The following SPICE1 variants were observed in gnomAD, a reference collection of about 807,000 sequenced individuals.
SPICE1 encodes spindle and centriole associated protein 1.
In SPICE1, 75 loss-of-function variants were observed where a neutral mutation model predicts 102.7. The observed-to-expected ratio is 0.73, with a 90% CI of 0.61 to 0.88. The LOEUF (loss-of-function observed/expected upper bound fraction) is 0.88. Ranked by LOEUF, SPICE1 falls within the 40% of genes least tolerant of loss-of-function variation. The pLI is 0.00. For missense variants in SPICE1, 979 were observed against 1,020.1 expected, an observed-to-expected ratio of 0.96 and a Z score of 0.55; for synonymous variants, 308 against 350.3, an observed-to-expected ratio of 0.88 and a Z score of 1.35.
intron 12 of SPICE1, 55 bp from the exon 13 acceptor site, chr3:113,457,412 C>T (rs1935803902): frequency 1.9e-6 from 3 of 1,556,980 alleles, no homozygotes; most frequent in East Asian, 4.5e-5. Flanking sequence ...ACTATGAGCA[C>T]ATTTCAGGTA....
intron 6 of SPICE1, 51 bp downstream of exon 6, chr3:113,493,155 C>T (rs753578883): frequency 3.7e-6 from 5 of 1,347,832 alleles, no homozygotes; most frequent in Non-Finnish European, 5.1e-6. Flanking sequence ...CCTATATCAA[C>T]TTAAACTTCC....
chr3:113,453,491 T>C lies in SPICE1; in HGVS notation c.2117A>G (p.Gln706Arg). ...QGDGLRELNKQESASDMTSTF... is the reference protein window; with the variant it reads ...QGDGLRELNKRESASDMTSTF... ...AGAAGTCATGTCACTTGCACTTTCT[T>C]GTTTGTTCAACTCCCGGAGTCCATC... Residue 706 changes from glutamine to arginine, a missense_variant, in exon 14 of 18, where the codon CAA becomes CGA. Coordinates refer to ENST00000295872, the MANE Select transcript of SPICE1 (RefSeq NM_144718.4). 1 of 1,609,988 alleles carries C rather than the reference T, an allele frequency of 6.2e-7. No homozygotes were observed. Among genetic ancestry groups the C allele is most frequent in the Non-Finnish European group, 8.5e-7 (1 of 1,177,068 alleles).
At chr3:113,477,883 A>G (rs1936393893) in intron 7 of SPICE1, among the ~76,000 whole-genome samples, 2 of 151,936 alleles carry the variant, frequency 1.3e-5, no homozygotes, top group Admixed American at 1.3e-4. Flanking sequence ...ACATGTATAC[A>G]TATGTAACTA....
intron 12 of SPICE1, among the ~76,000 whole-genome samples, chr3:113,459,167 C>T (rs1406562807): frequency 1.3e-5 from 2 of 152,138 alleles, no homozygotes; most frequent in African/African-American, 2.4e-5. Context: ...AAGGGTTAAA[C>T]GGATTAAGGG....
intron 1 of SPICE1, among the ~76,000 whole-genome samples, chr3:113,510,993 A>G (rs1460197985): frequency 6.6e-6 from 1 of 152,254 alleles, no homozygotes; most frequent in Non-Finnish European, 1.5e-5. Flanking sequence ...TTATGCAGCC[A>G]ACAAACGTAT....
chr3:113,459,872 A>G (rs1381158665), intron 12 of SPICE1: 1 of 982,560 alleles, frequency 1.0e-6, no homozygotes, highest in Non-Finnish European at 1.2e-6. Flanking sequence ...ACAGAGCGAA[A>G]CTCCATCTCA....
At chr3:113,478,693 T>A (rs1936419675) in intron 7 of SPICE1, among the ~76,000 whole-genome samples, 1 of 151,704 alleles carries the variant, frequency 6.6e-6, no homozygotes, top group Non-Finnish European at 1.5e-5. Context: ...AAGAAAAGAG[T>A]GGCAAAAATA....
intron 7 of SPICE1, among the ~76,000 whole-genome samples, chr3:113,471,878 T>C (rs539369337): frequency 6.6e-6 from 1 of 152,272 alleles, no homozygotes; most frequent in African/African-American, 2.4e-5. Flanking sequence ...AGATGGGTGA[T>C]TTCTGCATTT....
chr3:113,447,532 G>A (rs925900520), intron 16 of SPICE1, among the ~76,000 whole-genome samples: 6 of 152,202 alleles, frequency 3.9e-5, no homozygotes, highest in East Asian at 1.9e-4. Flanking sequence ...GAAAAAGAAC[G>A]TGCAGGGATG....
At chr3:113,484,994 A>G (rs1936610037) in intron 7 of SPICE1, among the ~76,000 whole-genome samples, 1 of 152,068 alleles carries the variant, frequency 6.6e-6, no homozygotes, top group South Asian at 2.1e-4. Context: ...AAGGGAATCC[A>G]GGAGGGACTG....
chr3:113,476,039 T>C (rs1473690267), intron 7 of SPICE1, among the ~76,000 whole-genome samples: 1 of 152,184 alleles, frequency 6.6e-6, no homozygotes, highest in African/African-American at 2.4e-5. Context: ...GAAAACCCCG[T>C]TGTCTCAGCT....
In SPICE1 at chr3:113,468,746, A is replaced by T; in HGVS notation, c.889+16T>A. On this transcript the variant is annotated intron_variant, in intron 9 of 17. Transcript: ENST00000295872. ...TACATGTTTAATATTCATCTTTGTA[A>T]ATTAAGGGACTGAACCTTTATTTAA... 6.2e-7 allele frequency: 1 copy of T among 1,603,498 alleles called. No homozygotes were observed.
At chr3:113,493,072 C>T in intron 6 of SPICE1, 134 bp downstream of exon 6, 1 of 616,626 alleles carries the variant, frequency 1.6e-6, no homozygotes. Context: ...AAGTGCAATA[C>T]ACTTAAGAGC....
At chr3:113,465,822 T>A in intron 10 of SPICE1, 38 bp from the exon 11 acceptor site, 1 of 1,596,294 alleles carries the variant, frequency 6.3e-7, no homozygotes, top group Non-Finnish European at 8.5e-7. Context: ...ACCAATAGCA[T>A]CACATGTTGA....
chr3:113,456,446 AAAC>A (rs1206064279), intron 13 of SPICE1, among the ~76,000 whole-genome samples: 1 of 152,186 alleles, frequency 6.6e-6, no homozygotes, highest in East Asian at 1.9e-4. Context: ...AATGAAATAA[AAAC>A]AATAGCTCCA....
At chr3:113,499,339 G>A (rs1936962733) in intron 4 of SPICE1, 100 bp downstream of exon 4, 2 of 1,274,886 alleles carry the variant, frequency 1.6e-6, no homozygotes, top group East Asian at 2.4e-5. Context: ...AGAATGCAGT[G>A]ATTACTAGAG....
chr3:113,450,637 C>T lies in SPICE1; in HGVS notation c.2143-121G>A, dbSNP rs539635486. On this transcript the variant is annotated intron_variant, in intron 14 of 17. Coordinates refer to ENST00000295872, the MANE Select transcript of SPICE1 (RefSeq NM_144718.4). ...TGTTGCCCAGGCTGGAGTGCAGTGG[C>T]GCTATCTCGGCTCACTGCAACATCT... 21 of 994,416 alleles carry T rather than the reference C, an allele frequency of 2.1e-5. No individual in the cohort carries two copies. The East Asian group carries it at 2.4e-4, about 11-fold the overall frequency. 61.6% of individuals were successfully genotyped at this position (994,416 alleles called of 1,614,324 possible).
At chr3:113,483,196 G>T (rs1936554067) in intron 7 of SPICE1, among the ~76,000 whole-genome samples, 1 of 152,030 alleles carries the variant, frequency 6.6e-6, no homozygotes, top group Admixed American at 6.5e-5. Context: ...TCATGATTTG[G>T]CTCTCTGTTT....
chr3:113,506,335 A>G (rs1227700646), intron 2 of SPICE1, among the ~76,000 whole-genome samples, 172 bp downstream of exon 2: 1 of 152,140 alleles, frequency 6.6e-6, no homozygotes, highest in Admixed American at 6.5e-5. Context: ...ACCTCCCCCA[A>G]AGGATTCTGC....
Sources: allele counts gnomAD v4.1 joint callset (sites outside exome capture counted in the v4.1 genomes callset), GRCh38; gene constraint gnomAD v4.1.1; transcripts MANE v1.5; gene names NCBI Gene and HGNC (gene_info 2026-07-23, HGNC 2026-07-21).